MYH1: variants seen among roughly 807,000 people sequenced by gnomAD.
The protein encoded by MYH1 is myosin-1.
A neutral mutation model predicts 225.6 loss-of-function variants in MYH1; 214 were observed. That is an observed-to-expected ratio of 0.95 (90% CI 0.85 to 1.06). The LOEUF is 1.06. Among genes scored for constraint, MYH1 ranks in the 50% least tolerant of loss-of-function variants. MYH1 has a pLI of 0.00. For missense variants in MYH1, 2,098 were observed against 2,344.2 expected (o/e 0.89, Z 2.17); for synonymous variants, 774 against 842.3 (o/e 0.92, Z 1.40).
At chr17:10,515,039 G>T (rs908295445) in intron 5 of MYH1, 144 bp from the exon 6 acceptor site, 7 of 726,552 alleles carry the variant, frequency 9.6e-6, no homozygotes, top group Admixed American at 7.2e-5. Flanking sequence ...GGTGTGTCCT[G>T]CTGGTTTAAT....
intron 12 of MYH1, 61 bp downstream of exon 12, chr17:10,512,347 T>C (rs1368992457): frequency 1.9e-6 from 3 of 1,613,602 alleles, no homozygotes; most frequent in Non-Finnish European, 2.5e-6. Flanking sequence ...GACTTGAATT[T>C]TGGAATGGAC....
chr17:10,498,941 A>C (rs751394647), intron 29 of MYH1, 33 bp downstream of exon 29: 1 of 1,603,580 alleles, frequency 6.2e-7, no homozygotes, highest in South Asian at 1.1e-5. Context: ...AATAACAAGA[A>C]CAATAATGAC....
At position 10,497,356 on chromosome 17, in the gene MYH1, T is replaced by C. The variant is rs760445157; in HGVS notation, c.4462A>G (p.Ile1488Val). 6.2e-7 allele frequency: 1 copy of C among 1,613,594 alleles called. No individual in the cohort carries two copies. Among genetic ancestry groups the C allele is most frequent in the Non-Finnish European group, 8.5e-7 (1 of 1,179,916 alleles). Reference sequence around the variant, plus strand: ...AAAGATTCCTCATAAGCATTCTTAATCTTAAATAGTTCTGTGCTGAGTGAG... The same window carrying C: ...AAAGATTCCTCATAAGCATTCTTAACCTTAAATAGTTCTGTGCTGAGTGAG... ...SRSLSTELFKIKNAYEESLDQ... is the reference protein window; with the variant it reads ...SRSLSTELFKVKNAYEESLDQ... The change falls in exon 32 of 40, where the codon ATT (isoleucine) becomes GTT (valine). Residue 1488 changes from isoleucine to valine, a missense_variant. Physicochemically the swap from Ile to Val is conservative, Grantham distance 29. Coordinates refer to ENST00000226207, the MANE Select transcript of MYH1 (RefSeq NM_005963.4).
rs1451564926 is a variant in MYH1, at chr17:10,504,853, G to A, written c.2648C>T (p.Thr883Ile). The A allele has an allele frequency of 2.5e-6, 4 of 1,614,020 alleles. No homozygotes were observed. Among genetic ancestry groups the A allele is most frequent in the South Asian group, 2.2e-5 (2 of 91,080 alleles). The change falls in exon 22 of 40, where the codon ACT (threonine) becomes ATT (isoleucine). Residue 883 changes from threonine to isoleucine, a missense_variant. By Grantham distance (89) the Thr-to-Ile change is moderately conservative. Coordinates refer to ENST00000226207, the MANE Select transcript of MYH1 (RefSeq NM_005963.4). ...CAAGTCATTTTTTTCTTGCATCAGAGTAACCATTTTTTCTTCCAGCTCTTT... is the reference window on the plus strand; with the variant it reads ...CAAGTCATTTTTTTCTTGCATCAGAATAACCATTTTTTCTTCCAGCTCTTT... ...KRKELEEKMV[T>I]LMQEKNDLQL... is the part of the protein sequence containing the mutation.
chr17:10,492,446 C>T lies in MYH1; in HGVS notation c.5790G>A (p.Glu1930=). 6.2e-7 allele frequency: 1 copy of T among 1,614,000 alleles called. No homozygotes were observed. The highest frequency in any genetic ancestry group is 1.1e-5 in the South Asian group (1 of 91,032). ...CTTCACTTATGATTTTTGTGTGAAC[C>T]TCCCTGCTCTTCACCCTCAGCTTGT... ...QVNKLRVKSR[E]VHTKIISEE Residue 1930 remains glutamate (E), a synonymous_variant, in exon 40 of 40, where the codon GAG becomes GAA. Transcript: ENST00000226207.
intron 17 of MYH1, among the ~76,000 whole-genome samples, chr17:10,507,333 G>T (rs963781869): frequency 6.6e-6 from 1 of 152,174 alleles, no homozygotes; most frequent in African/African-American, 2.4e-5. Context: ...AAATTGCTGG[G>T]ATTACAGGCG....
At chr17:10,505,131 G>C (rs762850490) in intron 21 of MYH1, 32 bp downstream of exon 21, 1 of 1,613,412 alleles carries the variant, frequency 6.2e-7, no homozygotes, top group African/African-American at 1.3e-5. Flanking sequence ...CACCTAAGAT[G>C]ATGAGGTTAA....
intron 35 of MYH1, among the ~76,000 whole-genome samples, 184 bp downstream of exon 35, chr17:10,495,766 A>AAAAAAAAAAAAAAAAAAAAAAAT: frequency 6.7e-6 from 1 of 149,196 alleles, no homozygotes; most frequent in Non-Finnish European, 1.5e-5. Flanking sequence ...GTCTCAAAAA[A>AAAAAAAAAAAAAAAAAAAAAAAT]AAAAAAAAAA....
chr17:10,500,823 C>A lies in MYH1; in HGVS notation c.3739-71G>T, dbSNP rs891386101. The A allele has an allele frequency of 6.3e-6, 10 of 1,595,850 alleles. No individual in the cohort carries two copies. In the Admixed American group the frequency reaches 1.7e-4, roughly 27 times the overall value. On this transcript the variant is annotated intron_variant, in intron 27 of 39. Coordinates refer to ENST00000226207, the MANE Select transcript of MYH1 (RefSeq NM_005963.4). ...CCAAAGAAAGTTTCAGTAATCTAAACATTCCATATGAGCTGCAGTACTCAT... is the reference window on the plus strand; with the variant it reads ...CCAAAGAAAGTTTCAGTAATCTAAAAATTCCATATGAGCTGCAGTACTCAT...
chr17:10,511,439 G>C (rs566712592), intron 14 of MYH1, among the ~76,000 whole-genome samples: 4 of 152,200 alleles, frequency 2.6e-5, no homozygotes, highest in African/African-American at 9.6e-5. Flanking sequence ...GTATCTTACT[G>C]TTTACTGAGT....
At position 10,512,673 on chromosome 17, in the gene MYH1, T is replaced by A. The variant is rs1245780452; in HGVS notation, c.1008+8A>T. On this transcript the variant is annotated splice_region_variant and intron_variant, in intron 11 of 39. Coordinates refer to ENST00000226207, the MANE Select transcript of MYH1 (RefSeq NM_005963.4). ...TGGATTTTAAATTAAAATTCATGTA[T>A]AACTTACATCTGTAGCCATCAACTC... 3 of 1,613,488 alleles carry A rather than the reference T, an allele frequency of 1.9e-6. No individual in the cohort carries two copies. The highest frequency in any genetic ancestry group is 2.5e-6 in the Non-Finnish European group (3 of 1,179,404).
rs770557823 is a variant in MYH1 at position 10,495,056 on chromosome 17, C to T, written c.5341G>A (p.Ala1781Thr). 7.4e-6 allele frequency: 12 copies of T among 1,614,092 alleles called. No homozygotes were observed. Among genetic ancestry groups the T allele is most frequent in the South Asian group, 5.5e-5 (5 of 91,086 alleles). Reference sequence around the variant, plus strand: ...TTCTTCTTCATCCGCTCCAGATGGGCGCTGGTGTCCTGTTCCTTCTTCAGC... The same window carrying T: ...TTCTTCTTCATCCGCTCCAGATGGGTGCTGGTGTCCTGTTCCTTCTTCAGC... The part of the protein sequence containing the change: ...EELKKEQDTS[A>T]HLERMKKNLE... The change falls in exon 37 of 40, where the codon GCC becomes ACC. Residue 1781 changes from alanine to threonine, a missense_variant. Ala to Thr is a moderately conservative substitution (Grantham distance 58). Transcript: ENST00000226207.
Position 10,494,627 on chromosome 17 carries a change from A to C in MYH1, c.5513T>G (p.Val1838Gly), listed in dbSNP as rs901830753. Residue 1838 changes from valine (V) to glycine (G), a missense_variant, in exon 38 of 40, where the codon GTT becomes GGT. Coordinates refer to ENST00000226207, the MANE Select transcript of MYH1 (RefSeq NM_005963.4). ...GEVESEQKRN[V>G]EAVKGLRKHE... Reference sequence around the variant, plus strand: ...TTTGCGTAGACCCTTGACAGCTTCAACATTGCGCTTCTGTTCACTTTCAAC... The same window carrying C: ...TTTGCGTAGACCCTTGACAGCTTCACCATTGCGCTTCTGTTCACTTTCAAC... 1 of 1,614,010 alleles carries C rather than the reference A, an allele frequency of 6.2e-7. No individual in the cohort carries two copies. Among genetic ancestry groups the C allele is most frequent in the Non-Finnish European group, 8.5e-7 (1 of 1,180,042 alleles).
chr17:10,507,391 T>C (rs1360864674), intron 17 of MYH1, among the ~76,000 whole-genome samples: 1 of 152,176 alleles, frequency 6.6e-6, no homozygotes. Flanking sequence ...CTATTTATTA[T>C]CACATCTGGT....
rs1236940118 is a variant in MYH1 at position 10,508,359 on chromosome 17, T to A, written c.1897+4A>T. 11 of 1,592,116 alleles carry A rather than the reference T, an allele frequency of 6.9e-6. No homozygotes were observed. The highest frequency in any genetic ancestry group is 9.4e-6 in the Non-Finnish European group (11 of 1,170,534). ...GGTAAAAGATTAATTATATTGATAA[T>A]TACCTGCTTCCGCTCCCGTTGCCCC... On this transcript the variant is annotated splice_donor_region_variant and intron_variant, in intron 16 of 39. Coordinates refer to ENST00000226207, the MANE Select transcript of MYH1 (RefSeq NM_005963.4).
Position 10,494,352 on chromosome 17 carries a change from A to T in MYH1, c.5667+2T>A, listed in dbSNP as rs139769954. 10 of 1,613,780 alleles carry T rather than the reference A, an allele frequency of 6.2e-6. No homozygotes were observed. In the African/African-American group the frequency reaches 1.1e-4, roughly 17 times the overall value. ...AATCACCCCAAGGGGTTGTGAACTC[A>T]CCGCTTCTTCAGCTTGTCTCTTGTA... On this transcript the variant is annotated splice_donor_variant, in intron 39 of 39. Transcript: ENST00000226207. LOFTEE classifies it high-confidence loss of function.
In MYH1 at chr17:10,516,249, G is replaced by C. The variant is rs201260086; in HGVS notation, c.298C>G (p.Pro100Ala). Reference protein sequence around the residue: ...DMAMMTHLHEPAVLYNLKERY... With the variant: ...DMAMMTHLHEAAVLYNLKERY... ...TCTTTGAGGTTGTACAGCACAGCAG[G>C]CTCGTGTAGATGAGTCATCATGGCC... is the stretch of plus-strand genomic sequence containing the variant. Residue 100 changes from proline (P) to alanine (A), a missense_variant, in exon 4 of 40, where the codon CCT (proline) becomes GCT (alanine). Coordinates refer to ENST00000226207, the MANE Select transcript of MYH1 (RefSeq NM_005963.4). 9 of 1,614,190 alleles carry C rather than the reference G, an allele frequency of 5.6e-6. No individual in the cohort carries two copies. The highest frequency in any genetic ancestry group is 1.1e-5 in the South Asian group (1 of 91,074).
At chr17:10,498,026 T>A in intron 30 of MYH1, 109 bp from the exon 31 acceptor site, 1 of 1,114,682 alleles carries the variant, frequency 9.0e-7, no homozygotes, top group Non-Finnish European at 1.2e-6. Flanking sequence ...ACTTTGCTTC[T>A]CAAGCTTGTT....
chr17:10,514,045 T>C lies in MYH1; in HGVS notation c.613A>G (p.Lys205Glu). 6.2e-7 allele frequency: 1 copy of C among 1,614,014 alleles called. No individual in the cohort carries two copies. The highest frequency in any genetic ancestry group is 8.5e-7 in the Non-Finnish European group (1 of 1,180,016). The change falls in exon 7 of 40, where the codon AAG becomes GAG. Residue 205 changes from lysine to glutamate, a missense_variant. Transcript: ENST00000226207. ...YFATIAVTGE[K>E]KKEEVTSGKM... ...CCAGAAGTAACTTCTTCCTTCTTCTTCTCCCCAGTAACTGCAATTGTTGCA... is the reference window on the plus strand; with the variant it reads ...CCAGAAGTAACTTCTTCCTTCTTCTCCTCCCCAGTAACTGCAATTGTTGCA...
Sources: allele counts gnomAD v4.1 joint callset (sites outside exome capture counted in the v4.1 genomes callset), GRCh38; gene constraint gnomAD v4.1.1; transcripts MANE v1.5; gene names NCBI Gene and HGNC (gene_info 2026-07-23, HGNC 2026-07-21).